SPECC1L: variants seen among roughly 807,000 people sequenced by gnomAD.
The protein encoded by SPECC1L is sperm antigen with calponin homology and coiled-coil domains 1 like.
Under a neutral mutation model 116.8 loss-of-function variants are expected in SPECC1L, and 40 were observed. That is an observed-to-expected ratio of 0.34 (90% CI 0.27 to 0.45). SPECC1L has a LOEUF of 0.45. Among genes scored for constraint, SPECC1L ranks in the 20% least tolerant of loss-of-function variants. SPECC1L has a pLI of 1.00. For missense variants in SPECC1L, 1,110 were observed against 1,373.6 expected (o/e 0.81, Z 3.03); for synonymous variants, 504 against 500.6 (o/e 1.01, Z -0.09).
chr22:24,362,481 C>T (rs901064738), intron 11 of SPECC1L, among the ~76,000 whole-genome samples: 20 of 152,134 alleles, frequency 1.3e-4, no homozygotes, highest in Non-Finnish European at 1.5e-5. Context: ...TGTGTCCTTC[C>T]CTGAAGGCTC....
chr22:24,280,555 A>T (rs2048921575), intron 2 of SPECC1L, among the ~76,000 whole-genome samples: 1 of 151,550 alleles, frequency 6.6e-6, no homozygotes, highest in Non-Finnish European at 1.5e-5. Flanking sequence ...GATGTGAATG[A>T]ATGTGACTAT....
chr22:24,299,908 G>A (rs2049342894), intron 2 of SPECC1L, among the ~76,000 whole-genome samples: 1 of 151,832 alleles, frequency 6.6e-6, no homozygotes, highest in Admixed American at 6.6e-5. Context: ...CCAACCCCTG[G>A]CAATCACTTA....
At chr22:24,369,105 T>C (rs1358770543) in intron 13 of SPECC1L, 113 bp from the exon 14 acceptor site, 1 of 757,918 alleles carries the variant, frequency 1.3e-6, no homozygotes, top group East Asian at 2.6e-5. Flanking sequence ...GTCTTGCCTT[T>C]GTATTGCCTT....
intron 14 of SPECC1L, among the ~76,000 whole-genome samples, chr22:24,405,094 C>T (rs570545085): frequency 1.1e-4 from 16 of 152,330 alleles, no homozygotes; most frequent in Admixed American, 3.3e-4. Context: ...CACTGGTGGC[C>T]CCGGCCCTCC....
chr22:24,317,974 A>G (rs1237482216), intron 4 of SPECC1L, among the ~76,000 whole-genome samples: 10 of 147,644 alleles, frequency 6.8e-5, no homozygotes, highest in Non-Finnish European at 1.3e-4. Flanking sequence ...GGCGGCCGGG[A>G]AGAGGCGCTC....
chr22:24,347,129 C>G lies in SPECC1L; in HGVS notation c.2696C>G (p.Thr899Arg). 3.1e-6 allele frequency: 5 copies of G among 1,614,020 alleles called. No individual in the cohort carries two copies. The highest frequency in any genetic ancestry group is 4.2e-6 in the Non-Finnish European group (5 of 1,179,916). The change falls in exon 11 of 17, where the codon ACA (threonine) becomes AGA (arginine). Residue 899 changes from threonine (T) to arginine (R), a missense_variant. Physicochemically the swap from Thr to Arg is moderately conservative, Grantham distance 71 (BLOSUM62 -1). This residue lies in a region of SPECC1L where 575 missense variants were observed against 682.4 expected (regional missense o/e 0.84). Transcript: ENST00000314328. ...CCAATCTCAACATCCAAACCCCTGA[C>G]AGCCCTGTCAGATAAGAGACCAAAC... ...SGPISTSKPL[T>R]ALSDKRPNYG...
At chr22:24,363,592 C>CTG (rs1408196260) in intron 12 of SPECC1L, among the ~76,000 whole-genome samples, 2 of 152,088 alleles carry the variant, frequency 1.3e-5, no homozygotes, top group African/African-American at 2.4e-5. Context: ...AAGCCTTTTT[C>CTG]TGTGTGTGTG....
At chr22:24,386,845 C>G (rs2042169515) in intron 14 of SPECC1L, among the ~76,000 whole-genome samples, 1 of 152,156 alleles carries the variant, frequency 6.6e-6, no homozygotes, top group Admixed American at 6.5e-5. Context: ...ACCTTGTGAT[C>G]AGCCCACCTC....
In SPECC1L at chr22:24,414,398, A is replaced by C. The variant is rs2042763087; in HGVS notation, c.3265-136A>C. 7.9e-6 allele frequency: 6 copies of C among 760,346 alleles called. No individual in the cohort carries two copies. In the East Asian group the frequency reaches 1.7e-4, roughly 21 times the overall value. The allele number at this position is 760,346 out of a possible 1,614,324, so 47.1% of individuals were successfully genotyped here. The stretch of plus-strand genomic sequence containing the variant: ...GAGGAAGCATTCTTGGCCAGGCTTT[A>C]AAAATGTGTAATTAGGCCTAGAAAA... On this transcript the variant is annotated intron_variant, in intron 16 of 16. Coordinates refer to ENST00000314328, the MANE Select transcript of SPECC1L (RefSeq NM_015330.6).
At chr22:24,271,166 C>T (rs1439221053) in intron 1 of SPECC1L, among the ~76,000 whole-genome samples, 183 bp downstream of exon 1, 2 of 152,252 alleles carry the variant, frequency 1.3e-5, no homozygotes, top group South Asian at 2.1e-4. Context: ...CCGCGCCGTC[C>T]TCGTTCTGGG....
At chr22:24,366,459 C>T (rs2041768541) in intron 13 of SPECC1L, among the ~76,000 whole-genome samples, 1 of 152,164 alleles carries the variant, frequency 6.6e-6, no homozygotes, top group African/African-American at 2.4e-5. Context: ...TCCCAAAGTG[C>T]TGGGATTACA....
intron 14 of SPECC1L, among the ~76,000 whole-genome samples, chr22:24,384,851 C>T (rs1190423327): frequency 2.6e-5 from 4 of 151,872 alleles, no homozygotes; most frequent in Non-Finnish European, 4.4e-5. Flanking sequence ...CCAAGGTGGG[C>T]GGATCATGAG....
At chr22:24,383,861 C>G (rs1357121753) in intron 14 of SPECC1L, among the ~76,000 whole-genome samples, 1 of 127,780 alleles carries the variant, frequency 7.8e-6, no homozygotes, top group Non-Finnish European at 1.6e-5. Flanking sequence ...CCATGTTGTC[C>G]AGGCTGGTCT....
At chr22:24,371,097 T>C (rs2041862381) in intron 14 of SPECC1L, among the ~76,000 whole-genome samples, 1 of 151,488 alleles carries the variant, frequency 6.6e-6, no homozygotes, top group African/African-American at 2.4e-5. Context: ...ATAATAAAAC[T>C]CCACTGCAAA....
intron 6 of SPECC1L, among the ~76,000 whole-genome samples, chr22:24,326,714 A>G (rs1318133621): frequency 6.6e-6 from 1 of 152,164 alleles, no homozygotes; most frequent in Non-Finnish European, 1.5e-5. Flanking sequence ...GTTGGTACAT[A>G]TGACACATTT....
Position 24,416,771 on chromosome 22 carries a change from A to C in SPECC1L, c.*2148A>C, listed in dbSNP as rs2042808246. ...CAGGATCTTCTGGAGGAAGGTGGCC[A>C]TGGATGGATGGGCTGTATCTGTGTT... On this transcript the variant is annotated 3_prime_UTR_variant, in exon 17 of 17. Transcript: ENST00000314328. 1 of 152,368 alleles carries C rather than the reference A, an allele frequency of 6.6e-6. No homozygotes were observed. The highest frequency in any genetic ancestry group is 2.4e-5 in the African/African-American group (1 of 41,450). 9.4% of individuals were successfully genotyped at this position (152,368 alleles called of 1,614,324 possible).
intron 15 of SPECC1L, chr22:24,412,100 C>T (rs1281977703): frequency 2.7e-6 from 1 of 372,654 alleles, no homozygotes; most frequent in Non-Finnish European, 5.2e-6. Flanking sequence ...CCATTCTGCA[C>T]TGTGGGCCTT....
At position 24,281,889 on chromosome 22, in the gene SPECC1L, C is replaced by T. The variant is rs533488047; in HGVS notation, c.-38+5086C>T. ...CCTAGACAGAGCGGAATCATCAAGA[C>T]GGGAATTGTAATAGAGAAAGAGTAA... On this transcript the variant is annotated intron_variant, in intron 2 of 16. Coordinates refer to ENST00000314328, the MANE Select transcript of SPECC1L (RefSeq NM_015330.6). Among the ~76,000 whole-genome samples, 12 of 152,256 alleles carry T rather than the reference C, an allele frequency of 7.9e-5. No individual in the cohort carries two copies. The East Asian group carries it at 1.2e-3, about 15-fold the overall frequency.
rs1465054813 is a variant in SPECC1L at position 24,331,516 on chromosome 22, A to G, written c.2396+1085A>G. Among the ~76,000 whole-genome samples the G allele has an allele frequency of 2.0e-5, 3 of 152,206 alleles. No individual in the cohort carries two copies. In the East Asian group the frequency reaches 5.8e-4, roughly 29 times the overall value. On this transcript the variant is annotated intron_variant, in intron 8 of 16. Coordinates refer to ENST00000314328, the MANE Select transcript of SPECC1L (RefSeq NM_015330.6). ...CTGAGTGAATGAAATTCTACTGTTA[A>G]AGTTTCATTCCTTTGGATCTCAAAA...
Sources: allele counts gnomAD v4.1 joint callset (sites outside exome capture counted in the v4.1 genomes callset), GRCh38; gene constraint gnomAD v4.1.1; regional missense constraint gnomAD v4.1.1; transcripts MANE v1.5; gene names NCBI Gene and HGNC (gene_info 2026-07-23, HGNC 2026-07-21).